The following TPRG1 variants were observed in gnomAD, a reference collection of about 807,000 sequenced individuals.
The protein encoded by TPRG1 is tumor protein p63 regulated 1, also known as tumor protein p63-regulated gene 1 protein.
In TPRG1, 29 loss-of-function variants were observed where a neutral mutation model predicts 29.3. The observed-to-expected ratio is 0.99, with a 90% CI of 0.74 to 1.35. The LOEUF (loss-of-function observed/expected upper bound fraction) is 1.35, where lower values mean the gene tolerates loss of function less well. TPRG1 is among the 40% of genes most tolerant of loss of function. The pLI, the probability that TPRG1 is intolerant of heterozygous loss-of-function variation, is 0.00. For missense variants in TPRG1, 327 were observed against 335.0 expected (o/e 0.98, Z 0.19); for synonymous variants, 130 against 116.8 (o/e 1.11, Z -0.73).
rs1032106452 is a variant in TPRG1, at chr3:189,324,908, A to T, written c.*4088A>T. 7.9e-5 allele frequency: 12 copies of T among 152,146 alleles called. No individual in the cohort carries two copies. Among genetic ancestry groups the T allele is most frequent in the African/African-American group, 2.7e-4 (11 of 41,420 alleles). 9.4% of individuals were successfully genotyped at this position (152,146 alleles called of 1,614,324 possible). On this transcript the variant is annotated 3_prime_UTR_variant, in exon 6 of 6. Coordinates refer to ENST00000345063, the MANE Select transcript of TPRG1 (RefSeq NM_198485.4). Reference sequence around the variant, plus strand: ...CACATCCTGTAGCTGTGGTTTAGGGACGCTGCTCATGAGTGACTTCTTATG... The same window carrying T: ...CACATCCTGTAGCTGTGGTTTAGGGTCGCTGCTCATGAGTGACTTCTTATG...
intron 1 of TPRG1, among the ~76,000 whole-genome samples, chr3:189,191,793 A>G (rs1028778301): frequency 6.6e-6 from 1 of 152,082 alleles, no homozygotes; most frequent in African/African-American, 2.4e-5. Context: ...CCTACTCCTG[A>G]ATATTGCCCA....
chr3:189,317,546 AT>A (rs910343084), intron 5 of TPRG1, among the ~76,000 whole-genome samples: 1 of 152,158 alleles, frequency 6.6e-6, no homozygotes, highest in Admixed American at 6.6e-5. Flanking sequence ...TAATATTCTT[AT>A]TTTATGGCAA....
intron 3 of TPRG1, among the ~76,000 whole-genome samples, chr3:189,226,954 A>G (rs1737840945): frequency 6.6e-6 from 1 of 151,970 alleles, no homozygotes; most frequent in South Asian, 2.1e-4. Flanking sequence ...CAATTTGACA[A>G]CTCAGATGAA....
chr3:189,094,361 A>G (rs4282051), intron 4 of TPRG1, among the ~76,000 whole-genome samples: 7,087 of 152,196 alleles, frequency 0.047, 540 homozygotes, highest in African/African-American at 0.16. Context: ...TCTTCTTCCA[A>G]CACTCCATAA....
chr3:189,101,279 G>C (rs1039885336), intron 1 of TPRG1, among the ~76,000 whole-genome samples: 1 of 151,988 alleles, frequency 6.6e-6, no homozygotes, highest in African/African-American at 2.4e-5. Context: ...CTACTTGTTG[G>C]AAGTCCTCTT....
intron 4 of TPRG1, among the ~76,000 whole-genome samples, chr3:189,051,501 G>T (rs1715317912): frequency 6.6e-6 from 1 of 152,110 alleles, no homozygotes; most frequent in Non-Finnish European, 1.5e-5. Flanking sequence ...AATCAATATT[G>T]TGAAAATGAC....
At chr3:189,189,806 A>G (rs1560530873) in intron 1 of TPRG1, among the ~76,000 whole-genome samples, 1 of 152,198 alleles carries the variant, frequency 6.6e-6, no homozygotes, top group Non-Finnish European at 1.5e-5. Flanking sequence ...TCTCTATAGC[A>G]TTTTCTAATA....
intron 4 of TPRG1, among the ~76,000 whole-genome samples, chr3:189,073,721 G>C (rs2152157839): frequency 6.6e-6 from 1 of 152,208 alleles, no homozygotes; most frequent in South Asian, 2.1e-4. Context: ...ACCCCTGTAG[G>C]TGAGCAATTT....
intron 4 of TPRG1, among the ~76,000 whole-genome samples, chr3:189,255,215 G>A (rs765137882): frequency 1.6e-4 from 24 of 152,200 alleles, no homozygotes; most frequent in African/African-American, 5.1e-4. Flanking sequence ...CTAGTTTATC[G>A]AGTGTTTTTA....
chr3:189,218,087 T>G, intron 3 of TPRG1: 1 of 932,808 alleles, frequency 1.1e-6, no homozygotes, highest in Non-Finnish European at 1.3e-6. Context: ...ATGGACCAAC[T>G]ACCCTAGCCT....
intron 4 of TPRG1, among the ~76,000 whole-genome samples, chr3:189,032,506 A>G (rs1398721525): frequency 6.6e-6 from 1 of 152,188 alleles, no homozygotes; most frequent in Admixed American, 6.5e-5. Context: ...CGTACATACG[A>G]ATCAAGTGGC....
chr3:189,143,655 T>C (rs1475395906), intron 3 of TPRG1, among the ~76,000 whole-genome samples: 1 of 152,152 alleles, frequency 6.6e-6, no homozygotes, highest in Non-Finnish European at 1.5e-5. Flanking sequence ...CCTAGACACC[T>C]CTTTGTAATC....
intron 3 of TPRG1, among the ~76,000 whole-genome samples, chr3:189,138,650 A>G (rs1441176725): frequency 6.6e-6 from 1 of 152,200 alleles, no homozygotes; most frequent in East Asian, 1.9e-4. Context: ...ACTCCTGTCC[A>G]TATGTATGCC....
exon 2 of TPRG1, chr3:189,000,836 A>G (rs867256866): frequency 6.6e-6 from 1 of 151,912 alleles, no homozygotes; most frequent in Non-Finnish European, 1.5e-5. Context: ...GCAGCCACAA[A>G]TTCCTGGGCT....
intron 1 of TPRG1, among the ~76,000 whole-genome samples, chr3:189,200,837 T>C: frequency 6.6e-6 from 1 of 152,242 alleles, no homozygotes; most frequent in East Asian, 1.9e-4. Flanking sequence ...TGAAAGTCTG[T>C]GTCTTCTTCA....
intron 3 of TPRG1, among the ~76,000 whole-genome samples, chr3:189,136,611 G>T (rs1208748379): frequency 1.3e-5 from 2 of 152,176 alleles, no homozygotes; most frequent in East Asian, 3.8e-4. Context: ...TTTACTTTAA[G>T]AATGCGGAAA....
rs1553935890 is a variant in TPRG1, at chr3:189,272,720, C to CTTCCTTCT, written c.479+33818_479+33819insTTTCCTTC. On this transcript the variant is annotated intron_variant, in intron 4 of 5. Coordinates refer to ENST00000345063, the MANE Select transcript of TPRG1 (RefSeq NM_198485.4). ...CTCTTTCTTTCTTTCTTTCTCCTTC[C>CTTCCTTCT]TTCCTTCCTTCCTTCCTTCCTTCCT... Among the ~76,000 whole-genome samples, 3 of 97,522 alleles carry CTTCCTTCT rather than the reference C, an allele frequency of 3.1e-5. No individual in the cohort carries two copies. In the East Asian group the frequency reaches 9.2e-4, roughly 30 times the overall value. 64.0% of individuals were successfully genotyped at this position (97,522 alleles called of 152,430 possible).
Position 189,261,259 on chromosome 3 carries a change from A to G in TPRG1, c.479+22350A>G, listed in dbSNP as rs1445836434. Among the ~76,000 whole-genome samples, 2 of 152,034 alleles carry G rather than the reference A, an allele frequency of 1.3e-5. 1 individual carries two copies. Among genetic ancestry groups the G allele is most frequent in the South Asian group, 4.2e-4 (2 of 4,802 alleles). On this transcript the variant is annotated intron_variant, in intron 4 of 5. Coordinates refer to ENST00000345063, the MANE Select transcript of TPRG1 (RefSeq NM_198485.4). ...CCTGACCAGAAAATTGAGTGCTCCA[A>G]AAGAATCTGGCTAACTTTTAATTAA... is the stretch of plus-strand genomic sequence containing the variant.
chr3:189,308,694 A>T (rs936017457), intron 4 of TPRG1, among the ~76,000 whole-genome samples: 2 of 152,316 alleles, frequency 1.3e-5, no homozygotes, highest in East Asian at 3.9e-4. Context: ...CCTAAGGTAA[A>T]AGAATATAAT....
Sources: gnomAD v4.1 joint callset for allele counts (sites outside exome capture counted in the v4.1 genomes callset) on GRCh38, gnomAD v4.1.1 for gene constraint, MANE v1.5 for transcripts, NCBI Gene and HGNC (gene_info 2026-07-23, HGNC 2026-07-21) for gene names.